SLC9A9: variants seen among roughly 807,000 people sequenced by gnomAD.
The protein encoded by SLC9A9 is solute carrier family 9 member A9, also known as sodium/hydrogen exchanger 9.
A neutral mutation model predicts 77.8 loss-of-function variants in SLC9A9; 62 were observed. That is an observed-to-expected ratio of 0.80 (90% confidence interval 0.65 to 0.98). The LOEUF (loss-of-function observed/expected upper bound fraction) is 0.98, where lower values mean the gene tolerates loss of function less well. Among genes scored for constraint, SLC9A9 ranks in the 50% least tolerant of loss-of-function variants. SLC9A9 has a pLI of 0.00. For missense variants in SLC9A9, 775 were observed against 774.9 expected (o/e 1.00, Z 0.00); for synonymous variants, 320 against 283.5 (o/e 1.13, Z -1.29).
At chr3:143,270,498 C>T (rs941888301) in intron 14 of SLC9A9, among the ~76,000 whole-genome samples, 24 of 151,904 alleles carry the variant, frequency 1.6e-4, no homozygotes, top group African/African-American at 3.9e-4. Flanking sequence ...GGCTGGGGTA[C>T]GTGATCTTTC....
intron 4 of SLC9A9, among the ~76,000 whole-genome samples, chr3:143,781,079 T>G (rs897277010): frequency 2.6e-5 from 4 of 152,200 alleles, no homozygotes; most frequent in Non-Finnish European, 5.9e-5. Flanking sequence ...TTGCATTAAT[T>G]AGTGTGGTAC....
At chr3:143,558,036 A>T (rs893876910) in intron 8 of SLC9A9, among the ~76,000 whole-genome samples, 1 of 152,232 alleles carries the variant, frequency 6.6e-6, no homozygotes, top group African/African-American at 2.4e-5. Context: ...AAAATGGTTT[A>T]ATGGGCCTGG....
intron 13 of SLC9A9, among the ~76,000 whole-genome samples, chr3:143,369,605 A>G (rs1367335950): frequency 2.6e-5 from 4 of 152,072 alleles, no homozygotes; most frequent in African/African-American, 9.7e-5. Flanking sequence ...ATCATTCTGT[A>G]CCCTATAAGT....
intron 9 of SLC9A9, among the ~76,000 whole-genome samples, chr3:143,500,398 A>C (rs2108596026): frequency 6.6e-6 from 1 of 152,288 alleles, no homozygotes. Context: ...AGTGTTTTCA[A>C]GAAGCAACTT....
intron 12 of SLC9A9, among the ~76,000 whole-genome samples, chr3:143,443,849 C>G (rs1226223081): frequency 6.6e-6 from 1 of 150,886 alleles, no homozygotes; most frequent in African/African-American, 2.5e-5. Context: ...TTGTAGTTTT[C>G]TTGGCCAGGA....
At chr3:143,341,002 G>C (rs2032080715) in intron 14 of SLC9A9, among the ~76,000 whole-genome samples, 1 of 152,140 alleles carries the variant, frequency 6.6e-6, no homozygotes, top group Non-Finnish European at 1.5e-5. Context: ...AAGCTGAATA[G>C]GACACTTAAT....
chr3:143,296,398 T>G (rs932349626), intron 14 of SLC9A9, among the ~76,000 whole-genome samples: 4 of 152,380 alleles, frequency 2.6e-5, no homozygotes, highest in African/African-American at 9.6e-5. Flanking sequence ...GAAGATTTTC[T>G]TCTTTTTTAA....
intron 1 of SLC9A9, 98 bp from the exon 2 acceptor site, chr3:143,832,319 T>A: frequency 9.3e-7 from 1 of 1,076,396 alleles, no homozygotes; most frequent in Non-Finnish European, 1.4e-6. Flanking sequence ...AGTGACAGGA[T>A]AAAGTGTTGG....
chr3:143,323,210 G>C (rs565322564), intron 14 of SLC9A9, among the ~76,000 whole-genome samples: 2 of 152,176 alleles, frequency 1.3e-5, no homozygotes, highest in Non-Finnish European at 2.9e-5. Context: ...ATTGGATCCA[G>C]CAATCCCACT....
chr3:143,775,012 A>G (rs2007645305), intron 4 of SLC9A9, among the ~76,000 whole-genome samples: 1 of 152,168 alleles, frequency 6.6e-6, no homozygotes, highest in African/African-American at 2.4e-5. Context: ...TCCCAATCCC[A>G]CTGCTGATTT....
intron 6 of SLC9A9, among the ~76,000 whole-genome samples, chr3:143,648,200 T>C (rs1014583468): frequency 1.3e-5 from 2 of 152,148 alleles, no homozygotes; most frequent in Non-Finnish European, 2.9e-5. Context: ...GATCAAGAAA[T>C]TAGCATAGGG....
chr3:143,442,857 A>G (rs796378216), intron 12 of SLC9A9, among the ~76,000 whole-genome samples: 4 of 152,320 alleles, frequency 2.6e-5, no homozygotes, highest in African/African-American at 9.6e-5. Context: ...GGGAGAGGAC[A>G]TGATGTTGTG....
intron 14 of SLC9A9, among the ~76,000 whole-genome samples, chr3:143,269,325 C>A (rs957607687): frequency 1.3e-5 from 2 of 152,158 alleles, no homozygotes; most frequent in African/African-American, 4.8e-5. Flanking sequence ...ATTGTATTTT[C>A]TTAAAACTGT....
intron 11 of SLC9A9, among the ~76,000 whole-genome samples, chr3:143,469,229 A>G (rs1278445772): frequency 1.3e-5 from 2 of 152,162 alleles, no homozygotes; most frequent in Admixed American, 6.6e-5. Flanking sequence ...CACTAATAAA[A>G]ATAGAAATAT....
At chr3:143,805,893 T>C (rs915475376) in intron 2 of SLC9A9, among the ~76,000 whole-genome samples, 3 of 152,180 alleles carry the variant, frequency 2.0e-5, no homozygotes, top group Non-Finnish European at 4.4e-5. Flanking sequence ...ACACAAAGCC[T>C]GTTTGGTGGT....
chr3:143,510,334 T>C (rs762577272), intron 9 of SLC9A9, among the ~76,000 whole-genome samples: 7 of 152,172 alleles, frequency 4.6e-5, no homozygotes, highest in Non-Finnish European at 1.0e-4. Context: ...CTCAGAACTG[T>C]AATATTCAAA....
chr3:143,353,962 AC>A (rs1453227824), intron 14 of SLC9A9, among the ~76,000 whole-genome samples: 2 of 152,168 alleles, frequency 1.3e-5, no homozygotes, highest in Non-Finnish European at 2.9e-5. Context: ...CATCCAAGTA[AC>A]CAAAAAAGTA....
At chr3:143,744,396 T>C (rs1935155923) in intron 4 of SLC9A9, among the ~76,000 whole-genome samples, 1 of 152,164 alleles carries the variant, frequency 6.6e-6, no homozygotes, top group African/African-American at 2.4e-5. Flanking sequence ...AGGCTCTTAA[T>C]TTTGGGACTC....
chr3:143,530,145 A>G (rs1454601474), intron 9 of SLC9A9, among the ~76,000 whole-genome samples: 2 of 152,250 alleles, frequency 1.3e-5, no homozygotes, highest in Non-Finnish European at 2.9e-5. Flanking sequence ...ACAAGTGGCT[A>G]TAAGCAAATG....
Sources: allele counts gnomAD v4.1 joint callset (sites outside exome capture counted in the v4.1 genomes callset), GRCh38; gene constraint gnomAD v4.1.1; transcripts MANE v1.5; gene names NCBI Gene and HGNC (gene_info 2026-07-23, HGNC 2026-07-21).